ANKS1A: variants seen among roughly 807,000 people sequenced by gnomAD.
ANKS1A encodes the protein ankyrin repeat and SAM domain-containing protein 1A.
Under a neutral mutation model 120.3 loss-of-function variants are expected in ANKS1A, and 55 were observed. The ratio of observed to expected loss-of-function variants is 0.46; its 90% CI spans 0.37 to 0.57. The LOEUF is 0.57. Ranked by LOEUF, ANKS1A falls within the 20% of genes least tolerant of loss-of-function variation. The pLI is 0.00. For missense variants in ANKS1A, 1,123 were observed against 1,480.3 expected (o/e 0.76, Z 3.96); for synonymous variants, 590 against 604.7 (o/e 0.98, Z 0.36).
intron 13 of ANKS1A, among the ~76,000 whole-genome samples, chr6:35,074,737 A>C (rs893275142): frequency 5.9e-5 from 9 of 152,158 alleles, no homozygotes; most frequent in African/African-American, 2.2e-4. Context: ...TGTGCCCAGC[A>C]AGGGGTGTGT....
chr6:34,914,617 G>A (rs7753949), intron 1 of ANKS1A, among the ~76,000 whole-genome samples: 70,215 of 151,970 alleles, frequency 0.46, 21,475 homozygotes, highest in African/African-American at 0.85. Context: ...GGAATGTGTT[G>A]GCCCCTTTTC....
At chr6:35,047,953 G>A (rs1044448497) in intron 11 of ANKS1A, among the ~76,000 whole-genome samples, 6 of 152,214 alleles carry the variant, frequency 3.9e-5, no homozygotes, top group Non-Finnish European at 8.8e-5. Flanking sequence ...CTGAGTCAGG[G>A]AAAGGGCCAG....
chr6:35,069,976 A>G (rs1256179529), intron 13 of ANKS1A, among the ~76,000 whole-genome samples: 2 of 147,928 alleles, frequency 1.4e-5, no homozygotes, highest in African/African-American at 2.5e-5. Flanking sequence ...GCGGTGAGCC[A>G]AGATTGTGCC....
In ANKS1A at chr6:35,086,381, C is replaced by T. The variant is rs1158873408; in HGVS notation, c.3303+445C>T. 3 of 1,293,656 alleles carry T rather than the reference C, an allele frequency of 2.3e-6. No individual in the cohort carries two copies. The highest frequency in any genetic ancestry group is 3.0e-5 in the African/African-American group (2 of 66,050). The allele number at this position is 1,293,656 out of a possible 1,614,324, so 80.1% of individuals were successfully genotyped here. A position where few individuals can be genotyped will look rare whatever the true frequency, so the allele number is the denominator to read the frequency against. The stretch of plus-strand genomic sequence containing the variant: ...TCCTGGAGTCAAGGTCTTTACGCCT[C>T]CTGCTGTCTTGTGTGTCAGTCTCCC... On this transcript the variant is annotated intron_variant, in intron 22 of 23. Coordinates refer to ENST00000360359, the MANE Select transcript of ANKS1A (RefSeq NM_015245.3). The surrounding 1 kb of genome is among the most constrained non-coding windows in gnomAD (Gnocchi z 5.1).
At chr6:34,930,525 A>T (rs530698039) in intron 1 of ANKS1A, among the ~76,000 whole-genome samples, 4 of 152,128 alleles carry the variant, frequency 2.6e-5, no homozygotes, top group Non-Finnish European at 4.4e-5. Flanking sequence ...TTTTTGTGTA[A>T]AAAAGGGATG....
Position 35,088,686 on chromosome 6 carries a change from C to T in ANKS1A, c.*77C>T. ...CTCCCACTGCCACCACCGCCATCGCCTCACCTGCAGCTCTGAAGACCCAGG... is the reference window on the plus strand; with the variant it reads ...CTCCCACTGCCACCACCGCCATCGCTTCACCTGCAGCTCTGAAGACCCAGG... On this transcript the variant is annotated 3_prime_UTR_variant, in exon 24 of 24. Transcript: ENST00000360359. The T allele has an allele frequency of 1.9e-6, 3 of 1,613,318 alleles. No homozygotes were observed. In the Admixed American group the frequency reaches 5.0e-5, roughly 27 times the overall value.
chr6:34,959,374 T>C (rs889477386), intron 1 of ANKS1A, among the ~76,000 whole-genome samples: 2 of 152,248 alleles, frequency 1.3e-5, no homozygotes, highest in Non-Finnish European at 2.9e-5. Context: ...TAAGAGGGAA[T>C]GAGCAGATTG....
chr6:34,992,931 C>G (rs923583549), intron 9 of ANKS1A, among the ~76,000 whole-genome samples: 3 of 152,264 alleles, frequency 2.0e-5, no homozygotes, highest in Middle Eastern at 3.4e-3. Context: ...AGCAAAAACC[C>G]GATGAACCAC....
At chr6:35,026,791 T>C (rs972715671) in intron 11 of ANKS1A, among the ~76,000 whole-genome samples, 1 of 152,234 alleles carries the variant, frequency 6.6e-6, no homozygotes, top group Non-Finnish European at 1.5e-5. Context: ...CTTTTACTTT[T>C]AACTTCCTTT....
At chr6:35,040,048 G>T (rs147095541) in intron 11 of ANKS1A, among the ~76,000 whole-genome samples, 148 of 152,176 alleles carry the variant, frequency 9.7e-4, no homozygotes, top group African/African-American at 3.3e-3. Context: ...ACCTCTCAAA[G>T]GCCCCATCTC....
chr6:35,057,603 G>A lies in ANKS1A; in HGVS notation c.2078-2544G>A, dbSNP rs538402803. ...TTGGCCTGTCTCCATCTGTACTTGGGATTTGGCCCTGGTTTCCCCCTTGCC... is the reference window on the plus strand; with the variant it reads ...TTGGCCTGTCTCCATCTGTACTTGGAATTTGGCCCTGGTTTCCCCCTTGCC... On this transcript the variant is annotated intron_variant, in intron 12 of 23. Coordinates refer to ENST00000360359, the MANE Select transcript of ANKS1A (RefSeq NM_015245.3). This position sits in a 1 kb window ranked among gnomAD's most constrained non-coding sequence, Gnocchi z 4.1. 1.8e-4 allele frequency among the ~76,000 whole-genome samples: 28 copies of A among 152,254 alleles called. No individual in the cohort carries two copies. The East Asian group carries it at 2.3e-3, about 13-fold the overall frequency.
At chr6:35,052,294 CAAAA>C (rs1188596774) in intron 11 of ANKS1A, among the ~76,000 whole-genome samples, 1 of 149,176 alleles carries the variant, frequency 6.7e-6, no homozygotes, top group Admixed American at 6.7e-5. Context: ...CAAAAAATAA[CAAAA>C]AAATTAGCCG....
intron 13 of ANKS1A, among the ~76,000 whole-genome samples, chr6:35,074,348 C>T (rs1037320340): frequency 2.1e-4 from 32 of 151,962 alleles, no homozygotes; most frequent in African/African-American, 6.8e-4. Context: ...CCTGTAATCC[C>T]AGCACTTTTG....
At chr6:35,002,891 A>G (rs1773245544) in intron 10 of ANKS1A, among the ~76,000 whole-genome samples, 3 of 151,486 alleles carry the variant, frequency 2.0e-5, no homozygotes, top group African/African-American at 7.3e-5. Context: ...TTCAAACCGC[A>G]CAGATAAAAA....
At chr6:35,033,808 C>CTG (rs1007281827) in intron 11 of ANKS1A, among the ~76,000 whole-genome samples, 1 of 152,322 alleles carries the variant, frequency 6.6e-6, no homozygotes. Context: ...TAACGTCTCT[C>CTG]TGTGCTCTGG....
intron 1 of ANKS1A, among the ~76,000 whole-genome samples, chr6:34,918,834 TATATAC>T (rs1768297057): frequency 6.6e-6 from 1 of 152,124 alleles, no homozygotes; most frequent in Admixed American, 6.5e-5. Context: ...TTTTGAGCTT[TATATAC>T]ACTTTATTTT....
chr6:35,074,625 G>A (rs774331253), intron 13 of ANKS1A, among the ~76,000 whole-genome samples: 2 of 152,192 alleles, frequency 1.3e-5, no homozygotes, highest in Non-Finnish European at 2.9e-5. Flanking sequence ...AACAGCAGAC[G>A]TTAGATTTGG....
intron 13 of ANKS1A, among the ~76,000 whole-genome samples, chr6:35,063,851 A>G (rs1029086415): frequency 6.6e-5 from 10 of 152,214 alleles, no homozygotes; most frequent in African/African-American, 2.4e-4. Context: ...CCGCCAGCAG[A>G]GGAGGAGGCC....
In ANKS1A at chr6:34,985,289, C is replaced by G; in HGVS notation, c.1209+11C>G. The G allele has an allele frequency of 1.2e-6, 2 of 1,611,252 alleles. No homozygotes were observed. The highest frequency in any genetic ancestry group is 1.1e-5 in the South Asian group (1 of 90,750). ...GCTGGAGTGAGGCCTGTATGTGACC[C>G]GGGGCTTACACCTCCTGGGGGCTGT... On this transcript the variant is annotated intron_variant, in intron 8 of 23. Transcript: ENST00000360359.
Sources: gnomAD v4.1 joint callset for allele counts (sites outside exome capture counted in the v4.1 genomes callset) on GRCh38, gnomAD v4.1.1 for gene constraint, Gnocchi (gnomAD v3.1) non-coding constraint, MANE v1.5 for transcripts, NCBI Gene and HGNC (gene_info 2026-07-23, HGNC 2026-07-21) for gene names.